The following PRKCE variants were observed in gnomAD, a reference collection of about 807,000 sequenced individuals.
PRKCE encodes the protein protein kinase C epsilon type.
PRKCE carries 16 observed loss-of-function variants against 85.4 expected under a neutral mutation model. That is an observed-to-expected ratio of 0.19 (90% CI 0.13 to 0.28). PRKCE has a LOEUF of 0.28. Among genes scored for constraint, PRKCE ranks in the 10% least tolerant of loss-of-function variants. The pLI, the probability that PRKCE is intolerant of heterozygous loss-of-function variation, is 1.00. For missense variants in PRKCE, 573 were observed against 975.2 expected (o/e 0.59, Z 5.49); for synonymous variants, 388 against 371.5 (o/e 1.04, Z -0.51).
intron 1 of PRKCE, among the ~76,000 whole-genome samples, chr2:45,841,830 A>C (rs1373447729): frequency 1.3e-5 from 2 of 152,208 alleles, no homozygotes; most frequent in African/African-American, 2.4e-5. Context: ...GGAGGAGGAG[A>C]TATCCACTAG....
At chr2:45,720,441 C>T (rs1374382098) in intron 1 of PRKCE, among the ~76,000 whole-genome samples, 1 of 152,050 alleles carries the variant, frequency 6.6e-6, no homozygotes, top group African/African-American at 2.4e-5. Context: ...AGAGGAACAA[C>T]ATGCAGCCTC....
chr2:46,080,891 G>C (rs1455692404), intron 10 of PRKCE, among the ~76,000 whole-genome samples: 1 of 152,092 alleles, frequency 6.6e-6, no homozygotes, highest in Non-Finnish European at 1.5e-5. Context: ...CCCAGCTCCA[G>C]GTTCTGCAGA....
At chr2:46,063,412 G>GTGTT (rs1221240803) in intron 10 of PRKCE, among the ~76,000 whole-genome samples, 2 of 151,546 alleles carry the variant, frequency 1.3e-5, no homozygotes, top group East Asian at 3.9e-4. Flanking sequence ...ATGGAAGCAT[G>GTGTT]TGTTTGTTTG....
At chr2:46,042,705 C>T (rs1260917864) in intron 10 of PRKCE, among the ~76,000 whole-genome samples, 1 of 152,178 alleles carries the variant, frequency 6.6e-6, no homozygotes, top group Non-Finnish European at 1.5e-5. Context: ...AGGCTTCTTC[C>T]ATGTTACAAA....
intron 1 of PRKCE, among the ~76,000 whole-genome samples, chr2:45,721,123 C>A (rs1680586136): frequency 6.6e-6 from 1 of 151,962 alleles, no homozygotes; most frequent in Admixed American, 6.6e-5. Flanking sequence ...CAAAACAAAA[C>A]AAAAAATCCT....
intron 2 of PRKCE, among the ~76,000 whole-genome samples, chr2:45,888,695 A>G (rs1695486093): frequency 6.6e-6 from 1 of 151,872 alleles, no homozygotes; most frequent in Non-Finnish European, 1.5e-5. Context: ...CTGGTGATCC[A>G]CCCGCTTTGG....
chr2:45,868,970 AAAAG>A, intron 2 of PRKCE, among the ~76,000 whole-genome samples: 1 of 151,416 alleles, frequency 6.6e-6, no homozygotes, highest in Non-Finnish European at 1.5e-5. Context: ...AAAAAAAAAA[AAAAG>A]AAAAAAGAAA....
chr2:46,165,395 G>T (rs1207261893), intron 14 of PRKCE, among the ~76,000 whole-genome samples: 3 of 152,202 alleles, frequency 2.0e-5, no homozygotes, highest in African/African-American at 4.8e-5. Flanking sequence ...GGGGTGGCTT[G>T]CTTCAGAGCA....
intron 10 of PRKCE, among the ~76,000 whole-genome samples, chr2:46,045,382 T>C (rs540178781): frequency 2.6e-5 from 4 of 152,364 alleles, no homozygotes; most frequent in Admixed American, 6.5e-5. Flanking sequence ...CCGTCCTCTT[T>C]GACATATACA....
chr2:45,917,752 C>A (rs956146148), intron 2 of PRKCE, among the ~76,000 whole-genome samples: 14 of 152,176 alleles, frequency 9.2e-5, no homozygotes, highest in African/African-American at 1.2e-4. Flanking sequence ...TCCGGCCGCA[C>A]GGGAGCTCAC....
chr2:45,850,296 A>G (rs1393918910), intron 2 of PRKCE, among the ~76,000 whole-genome samples: 1 of 152,266 alleles, frequency 6.6e-6, no homozygotes, highest in Non-Finnish European at 1.5e-5. Flanking sequence ...CAGTGAAGAA[A>G]TAAGCTTATT....
intron 1 of PRKCE, 45 bp from the exon 2 acceptor site, chr2:45,842,955 C>A (rs1342351190): frequency 1.9e-6 from 3 of 1,574,712 alleles, no homozygotes; most frequent in Non-Finnish European, 2.6e-6. Flanking sequence ...CTTAGGTTGC[C>A]CACACAATGC....
At chr2:45,813,865 G>C (rs140771765) in intron 1 of PRKCE, among the ~76,000 whole-genome samples, 1 of 152,224 alleles carries the variant, frequency 6.6e-6, no homozygotes, top group Non-Finnish European at 1.5e-5. Flanking sequence ...GATTGCATCT[G>C]TTCTCTTCTG....
intron 2 of PRKCE, among the ~76,000 whole-genome samples, chr2:45,936,672 C>A (rs60267068): frequency 0.033 from 5,034 of 152,324 alleles, 131 homozygotes; most frequent in African/African-American, 0.074. Context: ...CCCTGCAGCC[C>A]TCTTTTTGCG....
intron 10 of PRKCE, among the ~76,000 whole-genome samples, chr2:46,062,587 G>GT (rs1667246867): frequency 6.8e-6 from 1 of 147,474 alleles, no homozygotes; most frequent in Admixed American, 6.7e-5. Context: ...TCTGCTTTCT[G>GT]TGTTTATGCA....
chr2:46,043,563 TC>T (rs1708342532), intron 10 of PRKCE, among the ~76,000 whole-genome samples: 1 of 152,204 alleles, frequency 6.6e-6, no homozygotes, highest in South Asian at 2.1e-4. Context: ...AATAGAAACA[TC>T]CACCAAGCTT....
At chr2:45,762,696 C>G (rs868394110) in intron 1 of PRKCE, among the ~76,000 whole-genome samples, 3 of 152,184 alleles carry the variant, frequency 2.0e-5, no homozygotes, top group Non-Finnish European at 4.4e-5. Flanking sequence ...AACATAATAC[C>G]TATTATTTAT....
chr2:45,752,744 G>C lies in PRKCE; in HGVS notation c.349-90256G>C, dbSNP rs561361986. Among the ~76,000 whole-genome samples, 24 of 152,214 alleles carry C rather than the reference G, an allele frequency of 1.6e-4. No homozygotes were observed. In the East Asian group the frequency reaches 4.4e-3, roughly 28 times the overall value. On this transcript the variant is annotated intron_variant, in intron 1 of 14. Transcript: ENST00000306156. The stretch of plus-strand genomic sequence containing the variant: ...TTGTACCATGCAGGCAGGCAGTCAG[G>C]TCACCCTGACCTAGGTACCTACCTC...
At chr2:46,157,365 C>CT (rs1157158762) in intron 13 of PRKCE, among the ~76,000 whole-genome samples, 1 of 152,192 alleles carries the variant, frequency 6.6e-6, no homozygotes, top group African/African-American at 2.4e-5. Flanking sequence ...TTTTGGAGGC[C>CT]TTAGAGCAGT....
Sources: allele counts gnomAD v4.1 joint callset (sites outside exome capture counted in the v4.1 genomes callset), GRCh38; gene constraint gnomAD v4.1.1; transcripts MANE v1.5; gene names NCBI Gene and HGNC (gene_info 2026-07-23, HGNC 2026-07-21).